Variants in TMC5 observed in about 807,000 individuals in gnomAD.
TMC5 encodes transmembrane channel like 5.
A neutral mutation model predicts 110.5 loss-of-function variants in TMC5; 86 were observed. The observed-to-expected ratio is 0.78, with a 90% CI of 0.65 to 0.93. TMC5 has a LOEUF of 0.93. Ranked by LOEUF, TMC5 falls within the 40% of genes least tolerant of loss-of-function variation. The pLI is 0.00. For missense variants in TMC5, 1,144 were observed against 1,222.8 expected, an observed-to-expected ratio of 0.94 and a Z score of 0.96; for synonymous variants, 455 against 439.5, an observed-to-expected ratio of 1.04 and a Z score of -0.44.
chr16:19,486,798 T>C (rs1238115881), intron 15 of TMC5, 147 bp from the exon 16 acceptor site: 2 of 651,630 alleles, frequency 3.1e-6, no homozygotes, highest in Non-Finnish European at 5.3e-6. Flanking sequence ...TTCTGAGATA[T>C]TCGGGGTTAA....
intron 5 of TMC5, among the ~76,000 whole-genome samples, chr16:19,457,709 C>CTTTTTTT (rs573979829): frequency 0.03 from 1,334 of 43,916 alleles, 492 homozygotes; most frequent in Non-Finnish European, 0.057. Flanking sequence ...AGACTACATT[C>CTTTTTTT]TTTTTTTTTT....
intron 6 of TMC5, 62 bp from the exon 7 acceptor site, chr16:19,463,218 A>AT (rs1968073213): frequency 7.7e-7 from 1 of 1,306,806 alleles, no homozygotes; most frequent in African/African-American, 1.5e-5. Flanking sequence ...CCATGTAACT[A>AT]TTTTTTGAAT....
At chr16:19,450,686 G>C (rs1383248451) in intron 5 of TMC5, among the ~76,000 whole-genome samples, 1 of 152,182 alleles carries the variant, frequency 6.6e-6, no homozygotes, top group Non-Finnish European at 1.5e-5. Context: ...TGCGGGGGAA[G>C]GACTCTGGCC....
intron 4 of TMC5, among the ~76,000 whole-genome samples, chr16:19,445,964 A>G (rs1341973515): frequency 6.6e-6 from 1 of 151,208 alleles, no homozygotes; most frequent in African/African-American, 2.4e-5. Context: ...GCCGTGAGCC[A>G]TGACTGTACC....
rs756348846 is a variant in TMC5, at chr16:19,479,468, T to G, written c.2207T>G (p.Leu736Arg). The change falls in exon 14 of 22, where the codon CTC becomes CGC. Residue 736 changes from leucine to arginine, a missense_variant. Coordinates refer to ENST00000542583, the MANE Select transcript of TMC5 (RefSeq NM_001261841.2). ...CTCATTGGCCAGGACATCTACCGGC[T>G]CCTTCTGATGGATTTTGTGTTCTCT... ...ETLIGQDIYR[L>R]LLMDFVFSLV... 2.5e-6 allele frequency: 4 copies of G among 1,614,106 alleles called. No homozygotes were observed. Among genetic ancestry groups the G allele is most frequent in the Non-Finnish European group, 2.5e-6 (3 of 1,179,980 alleles).
intron 20 of TMC5, among the ~76,000 whole-genome samples, chr16:19,496,824 A>T (rs1046062899): frequency 4.3e-5 from 6 of 140,478 alleles, no homozygotes; most frequent in African/African-American, 1.6e-4. Flanking sequence ...CGAGAGGCGG[A>T]GGTTGCAGTG....
chr16:19,482,930 A>G (rs577609721), intron 15 of TMC5, among the ~76,000 whole-genome samples: 70 of 151,996 alleles, frequency 4.6e-4, no homozygotes, highest in Non-Finnish European at 9.1e-4. Context: ...CTGAGGCTGA[A>G]GTGCAGTGGT....
At chr16:19,443,145 T>C (rs2143478891) in intron 3 of TMC5, among the ~76,000 whole-genome samples, 1 of 152,326 alleles carries the variant, frequency 6.6e-6, no homozygotes, top group African/African-American at 2.4e-5. Flanking sequence ...GGCTGATCCT[T>C]AGCATTACCC....
rs1023579648 is a variant in TMC5 at position 19,456,620 on chromosome 16, C to G, written c.1049-3615C>G. ...TGTGATCATCATCACTTTTTCCCTGCGAGTCCCAATCAATGCGGGTGTGAC... is the reference window on the plus strand; with the variant it reads ...TGTGATCATCATCACTTTTTCCCTGGGAGTCCCAATCAATGCGGGTGTGAC... On this transcript the variant is annotated intron_variant, in intron 5 of 21. Transcript: ENST00000542583. The G allele has an allele frequency of 3.9e-6, 6 of 1,519,988 alleles. No homozygotes were observed. The Admixed American group carries it at 6.6e-5, about 17-fold the overall frequency. The allele number at this position is 1,519,988 out of a possible 1,614,324, so 94.2% of individuals were successfully genotyped here.
chr16:19,421,363 G>T (rs1966978581), intron 1 of TMC5, among the ~76,000 whole-genome samples: 1 of 152,024 alleles, frequency 6.6e-6, no homozygotes, highest in Non-Finnish European at 1.5e-5. Flanking sequence ...TGAGTCATAG[G>T]GGTGGGTTTT....
At chr16:19,471,797 G>C (rs917972137) in intron 10 of TMC5, among the ~76,000 whole-genome samples, 1 of 152,106 alleles carries the variant, frequency 6.6e-6, no homozygotes, top group Non-Finnish European at 1.5e-5. Flanking sequence ...GTCTCACTCT[G>C]TCGCCCAGGC....
chr16:19,436,853 A>G (rs1352423504), intron 2 of TMC5, among the ~76,000 whole-genome samples: 1 of 152,052 alleles, frequency 6.6e-6, no homozygotes, highest in Non-Finnish European at 1.5e-5. Flanking sequence ...GCCCTTCTCT[A>G]CTGGTGACCA....
chr16:19,475,293 A>G (rs1708071879), intron 12 of TMC5, among the ~76,000 whole-genome samples: 1 of 152,122 alleles, frequency 6.6e-6, no homozygotes, highest in Admixed American at 6.6e-5. Flanking sequence ...TTGGTGACGC[A>G]TGTCTGTAAT....
chr16:19,478,272 G>A (rs149281676), intron 13 of TMC5, among the ~76,000 whole-genome samples: 2 of 152,280 alleles, frequency 1.3e-5, no homozygotes, highest in Admixed American at 6.5e-5. Flanking sequence ...CAGGAATCAG[G>A]AGTCTCTCTC....
chr16:19,415,360 A>G (rs924616853), upstream of TMC5, among the ~76,000 whole-genome samples: 50 of 152,296 alleles, frequency 3.3e-4, no homozygotes, highest in African/African-American at 1.2e-3. Context: ...AGGGGGAGGC[A>G]GTTTTGCCTC....
At chr16:19,465,001 GTCTTTCTTTCTTTCTT>G (rs71375641) in intron 8 of TMC5, among the ~76,000 whole-genome samples, 1,131 of 73,504 alleles carry the variant, frequency 0.015, 27 homozygotes, top group African/African-American at 0.029. Context: ...CTTTCCTTTT[GTCTTTCTTTCTTTCTT>G]TCTTTCTTTC....
At chr16:19,434,197 T>G (rs1412651608) in intron 2 of TMC5, among the ~76,000 whole-genome samples, 6 of 122,880 alleles carry the variant, frequency 4.9e-5, no homozygotes, top group African/African-American at 2.0e-4. Flanking sequence ...ATAATATATA[T>G]ATCTATATAT....
At position 19,456,746 on chromosome 16, in the gene TMC5, G is replaced by A. The variant is rs1323079326; in HGVS notation, c.1049-3489G>A. ...CCACGTGAATGAAATCATCATACAG[G>A]TTGAGAATGTTTCCTCTGGGGTCCA... On this transcript the variant is annotated intron_variant, in intron 5 of 21. Transcript: ENST00000542583. 5.0e-6 allele frequency: 8 copies of A among 1,614,022 alleles called. No homozygotes were observed. In the Admixed American group the frequency reaches 1.2e-4, roughly 24 times the overall value.
At chr16:19,486,826 T>C in intron 15 of TMC5, 119 bp from the exon 16 acceptor site, 1 of 836,284 alleles carries the variant, frequency 1.2e-6, no homozygotes, top group East Asian at 2.5e-5. Flanking sequence ...ATATATGGAT[T>C]TTGGGGACAC....
Sources: allele counts gnomAD v4.1 joint callset (sites outside exome capture counted in the v4.1 genomes callset), GRCh38; gene constraint gnomAD v4.1.1; transcripts MANE v1.5; gene names NCBI Gene and HGNC (gene_info 2026-07-23, HGNC 2026-07-21).